LRRC47: variants seen among roughly 807,000 people sequenced by gnomAD.
LRRC47 encodes the protein leucine rich repeat containing 47.
In LRRC47, 31 loss-of-function variants were observed where a neutral mutation model predicts 40.9. The ratio of observed to expected loss-of-function variants is 0.76; its 90% CI spans 0.57 to 1.02. The LOEUF (loss-of-function observed/expected upper bound fraction) is 1.02. LRRC47 is among the 50% of genes least tolerant of loss of function. LRRC47 has a pLI of 0.00. For missense variants in LRRC47, 726 were observed against 796.1 expected (o/e 0.91, Z 1.06); for synonymous variants, 427 against 371.9 (o/e 1.15, Z -1.70).
chr1:3,786,149 C>T (rs972697376), intron 2 of LRRC47, among the ~76,000 whole-genome samples: 30 of 152,206 alleles, frequency 2.0e-4, no homozygotes, highest in African/African-American at 6.7e-4. Context: ...GGATTACAGG[C>T]GTGAGCCACC....
chr1:3,786,848 C>A lies in LRRC47; in HGVS notation c.1077+1G>T. The A allele has an allele frequency of 1.9e-6, 3 of 1,583,214 alleles. No individual in the cohort carries two copies. The highest frequency in any genetic ancestry group is 2.6e-6 in the Non-Finnish European group (3 of 1,163,120). ...ATCTGAGGACCCCCACGGGCACCCA[C>A]CTGCGAGGTGAGGAAGCGCTTGAGT... On this transcript the variant is annotated splice_donor_variant, in intron 2 of 6. Coordinates refer to ENST00000378251, the MANE Select transcript of LRRC47 (RefSeq NM_020710.3). LOFTEE classifies it high-confidence loss of function.
In LRRC47 at chr1:3,794,213, C is replaced by T. The variant is rs74802248; in HGVS notation, c.615+1649G>A. ...CCATCTCAAACAACAATAATAATAA[C>T]AGTAAAACTCCAGTCTCCACTTTAG... On this transcript the variant is annotated intron_variant, in intron 1 of 6. Transcript: ENST00000378251. Among the ~76,000 whole-genome samples the T allele has an allele frequency of 5.5e-3, 807 of 145,896 alleles. 5 individuals carry two copies. The highest frequency in any genetic ancestry group is 0.019 in the African/African-American group (766 of 41,182).
intron 5 of LRRC47, 75 bp from the exon 6 acceptor site, chr1:3,781,676 G>T: frequency 8.1e-7 from 1 of 1,241,014 alleles, no homozygotes; most frequent in Non-Finnish European, 1.2e-6. Flanking sequence ...TTTGTTCTCA[G>T]GAAAAATCTA....
At chr1:3,787,825 T>C (rs1643590670) in intron 1 of LRRC47, among the ~76,000 whole-genome samples, 1 of 152,074 alleles carries the variant, frequency 6.6e-6, no homozygotes. Flanking sequence ...AAGTGCAAAG[T>C]TGCCCGCAGT....
rs1364430405 is a variant in LRRC47 at position 3,786,912 on chromosome 1, C to A, written c.1014G>T (p.Gly338=). Residue 338 remains glycine (G), a synonymous_variant, in exon 2 of 7, where the codon GGG becomes GGT. Coordinates refer to ENST00000378251, the MANE Select transcript of LRRC47 (RefSeq NM_020710.3). ...EVRDVRPYIV[G]AVVRGMDLQP... ...GCAGGTCCATGCCTCGCACCACGGC[C>A]CCCACAATGTAGGGCCGCACATCCC... The A allele has an allele frequency of 1.2e-6, 2 of 1,607,254 alleles. No homozygotes were observed. Among genetic ancestry groups the A allele is most frequent in the African/African-American group, 2.7e-5 (2 of 74,746 alleles).
chr1:3,795,389 C>T (rs2124616266), intron 1 of LRRC47, among the ~76,000 whole-genome samples: 1 of 152,302 alleles, frequency 6.6e-6, no homozygotes, highest in East Asian at 1.9e-4. Flanking sequence ...GAATAACCAC[C>T]CCTACCTTGG....
In LRRC47 at chr1:3,796,060, G is replaced by A. The variant is rs1288713101; in HGVS notation, c.417C>T (p.Asn139=). The change falls in exon 1 of 7, where the codon AAC becomes AAT. Residue 139 remains asparagine (N), a synonymous_variant. Coordinates refer to ENST00000378251, the MANE Select transcript of LRRC47 (RefSeq NM_020710.3). ...PQLQSLNLSG[N]RLRELPADLA... is the part of the protein sequence containing the mutation. ...GGTCGGCTGGCAGCTCGCGCAGCCG[G>A]TTGCCGCTGAGGTTGAGGCTCTGCA... The A allele has an allele frequency of 1.9e-6, 3 of 1,538,620 alleles. No homozygotes were observed. The highest frequency in any genetic ancestry group is 2.5e-5 in the East Asian group (1 of 40,134).
intron 5 of LRRC47, among the ~76,000 whole-genome samples, chr1:3,782,215 CTCT>C (rs1393728847): frequency 7.9e-5 from 12 of 151,846 alleles, no homozygotes; most frequent in South Asian, 6.2e-4. Flanking sequence ...TTCTTTCTTC[CTCT>C]TCTTTTTTTT....
At position 3,787,220 on chromosome 1, in the gene LRRC47, T is replaced by G. The variant is rs1643584365; in HGVS notation, c.706A>C (p.Lys236Gln). The change falls in exon 2 of 7, where the codon AAG (lysine) becomes CAG (glutamine). Residue 236 changes from lysine (K) to glutamine (Q), a missense_variant. Transcript: ENST00000378251. ...KLKEINFRGN[K>Q]LRDKRLEKMV... Reference sequence around the variant, plus strand: ...TTCTCCAGGCGCTTGTCCCTCAGCTTGTTCCCACGGAAATTGATCTCCTTG... The same window carrying G: ...TTCTCCAGGCGCTTGTCCCTCAGCTGGTTCCCACGGAAATTGATCTCCTTG... The G allele has an allele frequency of 6.2e-7, 1 of 1,613,822 alleles. No individual in the cohort carries two copies. Among genetic ancestry groups the G allele is most frequent in the Non-Finnish European group, 8.5e-7 (1 of 1,180,050 alleles).
rs1420101863 is a variant in LRRC47 at position 3,795,882 on chromosome 1, C to G, written c.595G>C (p.Ala199Pro). Residue 199 changes from alanine (A) to proline (P), a missense_variant, in exon 1 of 7, where the codon GCC (alanine) becomes CCC (proline). By Grantham distance (27) the Ala-to-Pro change is conservative (BLOSUM62 -1). Transcript: ENST00000378251. Reference sequence around the variant, plus strand: ...CTGACCTTGAGCGAGGCCAGGTGGGCGATGTCGGGGCTGAGTTCTCGGAGG... The same window carrying G: ...CTGACCTTGAGCGAGGCCAGGTGGGGGATGTCGGGGCTGAGTTCTCGGAGG... ...NCLRELSPDI[A>P]HLASLKTLDL... The G allele has an allele frequency of 6.3e-7, 1 of 1,590,288 alleles. No homozygotes were observed. The highest frequency in any genetic ancestry group is 8.5e-7 in the Non-Finnish European group (1 of 1,173,542).
Position 3,781,002 on chromosome 1 carries a change from G to A in LRRC47, c.*86C>T. 7 of 1,536,528 alleles carry A rather than the reference G, an allele frequency of 4.6e-6. No individual in the cohort carries two copies. The highest frequency in any genetic ancestry group is 6.1e-6 in the Non-Finnish European group (7 of 1,143,518). ...AAAAAAAAACCAACAAAAAAACTGGGGTGAAAATCTAACGGATAATTCAGC... is the reference window on the plus strand; with the variant it reads ...AAAAAAAAACCAACAAAAAAACTGGAGTGAAAATCTAACGGATAATTCAGC... On this transcript the variant is annotated 3_prime_UTR_variant, in exon 7 of 7. Transcript: ENST00000378251.
chr1:3,785,641 G>C (rs758740594), intron 2 of LRRC47: 2 of 152,332 alleles, frequency 1.3e-5, no homozygotes, highest in African/African-American at 2.4e-5. Flanking sequence ...ACTGCGGGGC[G>C]CACGAGACTT....
chr1:3,783,442 C>T (rs1465281452), intron 4 of LRRC47, among the ~76,000 whole-genome samples: 1 of 146,440 alleles, frequency 6.8e-6, no homozygotes, highest in Admixed American at 6.8e-5. Flanking sequence ...AAAAAGCACA[C>T]ACCTGAAAAC....
In LRRC47 at chr1:3,787,129, C is replaced by G. The variant is rs1643583328; in HGVS notation, c.797G>C (p.Gly266Ala). 1 of 1,613,766 alleles carries G rather than the reference C, an allele frequency of 6.2e-7. No homozygotes were observed. The highest frequency in any genetic ancestry group is 1.3e-5 in the African/African-American group (1 of 74,944). Residue 266 changes from glycine to alanine, a missense_variant, in exon 2 of 7, where the codon GGG (glycine) becomes GCG (alanine). Coordinates refer to ENST00000378251, the MANE Select transcript of LRRC47 (RefSeq NM_020710.3). ...EYLRVGGRGG[G>A]KGKGRAEGSE... ...GCCCTCGGCACGGCCCTTGCCCTTC[C>G]CGCCACCACGGCCTCCGACGCGCAG...
chr1:3,786,238 C>T (rs903726277), intron 2 of LRRC47, among the ~76,000 whole-genome samples: 3 of 152,142 alleles, frequency 2.0e-5, no homozygotes, highest in Non-Finnish European at 4.4e-5. Context: ...TGGCTGACAC[C>T]CGTAATCCCC....
rs1457625456 is a variant in LRRC47, at chr1:3,784,220, T to A, written c.1195-109A>T. Reference sequence around the variant, plus strand: ...TGAGCCCTCCCGACTCCCGCCCTCATTCATCTCTACAGCAGGCAGGGAGCA... The same window carrying A: ...TGAGCCCTCCCGACTCCCGCCCTCAATCATCTCTACAGCAGGCAGGGAGCA... On this transcript the variant is annotated intron_variant, in intron 3 of 6. Transcript: ENST00000378251. The A allele has an allele frequency of 3.4e-6, 3 of 877,202 alleles. No homozygotes were observed. The African/African-American group carries it at 5.0e-5, about 15-fold the overall frequency. The allele number at this position is 877,202 out of a possible 1,614,324, so 54.3% of individuals were successfully genotyped here.
intron 1 of LRRC47, among the ~76,000 whole-genome samples, chr1:3,793,544 T>C (rs1643645580): frequency 6.6e-6 from 1 of 152,206 alleles, no homozygotes; most frequent in Non-Finnish European, 1.5e-5. Flanking sequence ...GGAACCTGAA[T>C]TCTGCTAAGG....
At chr1:3,785,058 A>C (rs371441440) in intron 3 of LRRC47, 29 bp downstream of exon 3, 1 of 1,534,674 alleles carries the variant, frequency 6.5e-7, no homozygotes, top group South Asian at 1.2e-5. Flanking sequence ...GAGACTCTTC[A>C]GCAGACCCTG....
At chr1:3,787,356 G>C in intron 1 of LRRC47, 46 bp from the exon 2 acceptor site, 3 of 1,542,958 alleles carry the variant, frequency 1.9e-6, no homozygotes, top group Non-Finnish European at 2.6e-6. Context: ...ACTCTGGGAA[G>C]AGAGTCCAAG....
Sources: gnomAD v4.1 joint callset for allele counts (sites outside exome capture counted in the v4.1 genomes callset) on GRCh38, gnomAD v4.1.1 for gene constraint, MANE v1.5 for transcripts, NCBI Gene and HGNC (gene_info 2026-07-23, HGNC 2026-07-21) for gene names.